Variants in PIP5K1A observed in about 807,000 individuals in gnomAD.
PIP5K1A encodes phosphatidylinositol 4-phosphate 5-kinase type-1 alpha.
PIP5K1A carries 46 observed loss-of-function variants against 72.9 expected under a neutral mutation model. The observed-to-expected ratio is 0.63, with a 90% CI of 0.50 to 0.81. The LOEUF is 0.81. Among genes scored for constraint, PIP5K1A ranks in the 30% least tolerant of loss-of-function variants. The probability of loss-of-function intolerance (pLI) is 0.00; values close to 1 mark genes in which losing one functional copy is unlikely to be tolerated. For missense variants in PIP5K1A, 458 were observed against 706.1 expected (o/e 0.65, Z 3.98); for synonymous variants, 228 against 255.1 (o/e 0.89, Z 1.01).
At position 151,242,104 on chromosome 1, in the gene PIP5K1A, C is replaced by G. The variant is rs1165959391; in HGVS notation, c.1364-19C>G. The stretch of plus-strand genomic sequence containing the variant: ...TGCTAAGGTAGTTGCTAAGTAGGCT[C>G]TCTCTTTCCCTTTTGAAGTGAAGCC... On this transcript the variant is annotated intron_variant, in intron 12 of 15. Transcript: ENST00000368888. 1 of 1,613,718 alleles carries G rather than the reference C, an allele frequency of 6.2e-7. No homozygotes were observed. The highest frequency in any genetic ancestry group is 8.5e-7 in the Non-Finnish European group (1 of 1,179,800).
Position 151,248,110 on chromosome 1 carries a change from T to G in PIP5K1A, c.*245T>G. On this transcript the variant is annotated 3_prime_UTR_variant, in exon 16 of 16. Coordinates refer to ENST00000368888, the MANE Select transcript of PIP5K1A (RefSeq NM_001135638.2). ...CCGCAGCATCCCCTCCACTCCAGAG[T>G]TGGGTGGTATGGATTTTCAACTGGC... 1 of 504,240 alleles carries G rather than the reference T, an allele frequency of 2.0e-6. No homozygotes were observed. The highest frequency in any genetic ancestry group is 2.7e-5 in the South Asian group (1 of 37,574). The allele number at this position is 504,240 out of a possible 1,614,324, so 31.2% of individuals were successfully genotyped here.
chr1:151,215,877 G>T, intron 1 of PIP5K1A: 1 of 654,872 alleles, frequency 1.5e-6, no homozygotes, highest in Non-Finnish European at 2.5e-6. Flanking sequence ...TTAAACTTTA[G>T]AGTTTTAAAA....
intron 8 of PIP5K1A, among the ~76,000 whole-genome samples, chr1:151,236,208 G>A (rs1163388592): frequency 6.6e-6 from 1 of 152,014 alleles, no homozygotes; most frequent in Non-Finnish European, 1.5e-5. Context: ...AGCCAGGCGT[G>A]GTGGCTCATA....
chr1:151,207,873 T>C (rs1457692457), intron 1 of PIP5K1A, among the ~76,000 whole-genome samples: 1 of 151,638 alleles, frequency 6.6e-6, no homozygotes, highest in Non-Finnish European at 1.5e-5. Context: ...CCTTCTTTTT[T>C]TTTTTTTTGA....
chr1:151,206,870 T>G (rs996198440), intron 1 of PIP5K1A, among the ~76,000 whole-genome samples: 3 of 148,996 alleles, frequency 2.0e-5, no homozygotes, highest in African/African-American at 7.5e-5. Context: ...CGGCTATTTT[T>G]GTATTTTTAG....
chr1:151,225,498 C>A (rs1223884851), intron 3 of PIP5K1A, among the ~76,000 whole-genome samples: 1 of 143,804 alleles, frequency 7.0e-6, no homozygotes, highest in African/African-American at 2.6e-5. Flanking sequence ...GAGATGAAGT[C>A]TTGCTCTGTT....
In PIP5K1A at chr1:151,236,622, CACA is replaced by C; in HGVS notation, c.1007_1009del (p.Gln336del). ...ATGTCAATCCATAATATAGATCATG[CACA>C]ACGAGAGCCCTTAAGCAGTGAAACA... On this transcript the variant is annotated inframe_deletion, in exon 9 of 16. Coordinates refer to ENST00000368888, the MANE Select transcript of PIP5K1A (RefSeq NM_001135638.2). 1 of 1,612,870 alleles carries C rather than the reference CACA, an allele frequency of 6.2e-7. No homozygotes were observed. Among genetic ancestry groups the C allele is most frequent in the Non-Finnish European group, 8.5e-7 (1 of 1,179,070 alleles).
chr1:151,225,465 C>G, intron 3 of PIP5K1A, among the ~76,000 whole-genome samples: 1 of 118,068 alleles, frequency 8.5e-6, no homozygotes, highest in South Asian at 2.7e-4. Context: ...GTTTACTCCT[C>G]CCTTCTTGCC....
upstream of PIP5K1A, among the ~76,000 whole-genome samples, chr1:151,197,048 G>A (rs2101748635): frequency 6.6e-6 from 1 of 150,848 alleles, no homozygotes; most frequent in South Asian, 2.1e-4. Flanking sequence ...TTTTAGTAGA[G>A]ACGCGGTTTC....
At chr1:151,236,408 T>G (rs1283544123) in intron 8 of PIP5K1A, 150 bp from the exon 9 acceptor site, 5 of 582,504 alleles carry the variant, frequency 8.6e-6, no homozygotes, top group African/African-American at 1.9e-5. Context: ...CCTGGGAGGT[T>G]GCAGCTACAG....
intron 1 of PIP5K1A, among the ~76,000 whole-genome samples, chr1:151,200,442 A>T (rs1180030823): frequency 6.6e-6 from 1 of 152,078 alleles, no homozygotes; most frequent in Non-Finnish European, 1.5e-5. Context: ...GAGGTGAGTC[A>T]GAAACTGAGC....
intron 14 of PIP5K1A, among the ~76,000 whole-genome samples, chr1:151,245,922 T>C (rs1304204693): frequency 2.0e-5 from 3 of 152,168 alleles, no homozygotes; most frequent in African/African-American, 2.4e-5. Flanking sequence ...TGTAACAAAT[T>C]ACCCCCAAAC....
chr1:151,242,053 A>T lies in PIP5K1A; in HGVS notation c.1364-70A>T, dbSNP rs903703327. 2.0e-6 allele frequency: 3 copies of T among 1,518,196 alleles called. No homozygotes were observed. In the African/African-American group the frequency reaches 4.1e-5, roughly 21 times the overall value. 94.0% of individuals were successfully genotyped at this position (1,518,196 alleles called of 1,614,324 possible). The stretch of plus-strand genomic sequence containing the variant: ...GTGTGTGTTGGGGATACTAGCAATT[A>T]TTTGTATCTATGTCTTGGTAATAGT... On this transcript the variant is annotated intron_variant, in intron 12 of 15. Transcript: ENST00000368888.
At chr1:151,232,803 T>A in intron 7 of PIP5K1A, 100 bp downstream of exon 7, 1 of 1,104,050 alleles carries the variant, frequency 9.1e-7, no homozygotes, top group Non-Finnish European at 1.3e-6. Flanking sequence ...CACTTCTATC[T>A]TAAGAGTGTA....
chr1:151,200,981 C>G (rs1280135251), intron 1 of PIP5K1A, among the ~76,000 whole-genome samples: 12 of 152,106 alleles, frequency 7.9e-5, no homozygotes, highest in Non-Finnish European at 1.8e-4. Context: ...AGGCGCCCAC[C>G]ACCACGCCTG....
Position 151,249,136 on chromosome 1 carries a change from A to G in PIP5K1A, c.*1271A>G, listed in dbSNP as rs1432854693. ...GAAGGGGGCCTGGTATCTCAGGCAG[A>G]TTGTTGAATTCCTGTTCTATCCCTT... On this transcript the variant is annotated 3_prime_UTR_variant, in exon 16 of 16. Transcript: ENST00000368888. 1 of 152,146 alleles carries G rather than the reference A, an allele frequency of 6.6e-6. No homozygotes were observed. The highest frequency in any genetic ancestry group is 1.9e-4 in the East Asian group (1 of 5,192). 9.4% of individuals were successfully genotyped at this position (152,146 alleles called of 1,614,324 possible).
rs367603565 is a variant in PIP5K1A at position 151,237,708 on chromosome 1, T to G, written c.1146-474T>G. Among the ~76,000 whole-genome samples, 32 of 152,314 alleles carry G rather than the reference T, an allele frequency of 2.1e-4. 1 individual carries two copies. Among genetic ancestry groups the G allele is most frequent in the African/African-American group, 7.7e-4 (32 of 41,572 alleles). On this transcript the variant is annotated intron_variant, in intron 9 of 15. Transcript: ENST00000368888. ...GACTTCTTTGTGGAAGGCATCCTTC[T>G]TCATCATGCCTAGTAAGTGTAATTA...
At position 151,231,867 on chromosome 1, in the gene PIP5K1A, T is replaced by A. The variant is rs587721644; in HGVS notation, c.368+66T>A. ...GCCTTTTCAAATCAGCCCAGGGCAG[T>A]TTTAGGGGTTCAGGTCGGACAATTT... is the stretch of plus-strand genomic sequence containing the variant. On this transcript the variant is annotated intron_variant, in intron 5 of 15. Transcript: ENST00000368888. 1.3e-5 allele frequency: 20 copies of A among 1,498,454 alleles called. No individual in the cohort carries two copies. In the South Asian group the frequency reaches 2.3e-4, roughly 17 times the overall value. 92.8% of individuals were successfully genotyped at this position (1,498,454 alleles called of 1,614,324 possible).
chr1:151,240,288 T>A (rs1395883079), intron 12 of PIP5K1A: 2 of 464,400 alleles, frequency 4.3e-6, no homozygotes, highest in African/African-American at 4.1e-5. Flanking sequence ...GAATTGGGAT[T>A]TGCAAAAAAA....
Sources: allele counts gnomAD v4.1 joint callset (sites outside exome capture counted in the v4.1 genomes callset), GRCh38; gene constraint gnomAD v4.1.1; transcripts MANE v1.5; gene names NCBI Gene and HGNC (gene_info 2026-07-23, HGNC 2026-07-21).